FBXL7: variants seen among roughly 807,000 people sequenced by gnomAD.
FBXL7 encodes F-box/LRR-repeat protein 7.
Under a neutral mutation model 38.3 loss-of-function variants are expected in FBXL7, and 12 were observed. The ratio of observed to expected loss-of-function variants is 0.31; its 90% confidence interval spans 0.20 to 0.51. The LOEUF (loss-of-function observed/expected upper bound fraction) is 0.51. Among genes scored for constraint, FBXL7 ranks in the 20% least tolerant of loss-of-function variants. The pLI, the probability that FBXL7 is intolerant of heterozygous loss-of-function variation, is 0.98. For missense variants in FBXL7, 567 were observed against 676.4 expected (o/e 0.84, Z 1.79); for synonymous variants, 297 against 300.9 (o/e 0.99, Z 0.13).
chr5:15,753,323 C>T (rs377447355), intron 2 of FBXL7, among the ~76,000 whole-genome samples: 152 of 152,212 alleles, frequency 1.0e-3, no homozygotes, highest in African/African-American at 3.4e-3. Context: ...GGCTCAAGGA[C>T]GATCAAGGGG....
At chr5:15,742,140 T>A (rs1735908430) in intron 2 of FBXL7, among the ~76,000 whole-genome samples, 1 of 152,210 alleles carries the variant, frequency 6.6e-6, no homozygotes, top group African/African-American at 2.4e-5. Flanking sequence ...AAGGGGAGAT[T>A]TATATATAAA....
intron 2 of FBXL7, among the ~76,000 whole-genome samples, chr5:15,625,191 A>G (rs377281630): frequency 6.6e-6 from 1 of 152,224 alleles, no homozygotes; most frequent in Non-Finnish European, 1.5e-5. Flanking sequence ...AGCTGCCTTT[A>G]TACTTGAATT....
chr5:15,650,121 A>G (rs1261223994), intron 2 of FBXL7, among the ~76,000 whole-genome samples: 8 of 152,150 alleles, frequency 5.3e-5, no homozygotes, highest in Non-Finnish European at 1.2e-4. Flanking sequence ...ATTTTAACTG[A>G]GCCACAGACC....
In FBXL7 at chr5:15,938,274, A is replaced by G. The variant is rs1742256014; in HGVS notation, c.*1088A>G. On this transcript the variant is annotated 3_prime_UTR_variant, in exon 4 of 4. Transcript: ENST00000504595. ...TTGCTTTTACTCAGTGTTTTCAAAT[A>G]GGAGTAAAGGCCCTTGCAATTTTTA... 6.6e-6 allele frequency: 1 copy of G among 152,172 alleles called. No homozygotes were observed. Among genetic ancestry groups the G allele is most frequent in the South Asian group, 2.1e-4 (1 of 4,818 alleles). The allele number at this position is 152,172 out of a possible 1,614,324, so 9.4% of individuals were successfully genotyped here.
chr5:15,674,759 A>G (rs1742596974), intron 2 of FBXL7, among the ~76,000 whole-genome samples: 1 of 152,222 alleles, frequency 6.6e-6, no homozygotes, highest in Non-Finnish European at 1.5e-5. Context: ...TAATTATCTC[A>G]GGCAATTCTG....
intron 1 of FBXL7, among the ~76,000 whole-genome samples, chr5:15,575,296 T>C (rs1738921321): frequency 6.6e-6 from 1 of 152,236 alleles, no homozygotes; most frequent in African/African-American, 2.4e-5. Context: ...ACTTGTCTCT[T>C]TTTGTGGACT....
rs142812459 is a variant in FBXL7, at chr5:15,786,967, C to A, written c.128-140923C>A. 5.7e-3 allele frequency among the ~76,000 whole-genome samples: 863 copies of A among 152,156 alleles called. 8 individuals carry two copies. Among genetic ancestry groups the A allele is most frequent in the African/African-American group, 0.02 (815 of 41,504 alleles). ...TCCAGTGATGTGTGTCCTTATGAGA[C>A]CCACACAGAGGAGAAACACATGGAA... On this transcript the variant is annotated intron_variant, in intron 2 of 3. Transcript: ENST00000504595.
chr5:15,933,520 A>G (rs1184038438), intron 3 of FBXL7, among the ~76,000 whole-genome samples: 2 of 152,262 alleles, frequency 1.3e-5, no homozygotes, highest in African/African-American at 4.8e-5. Context: ...GTCAGCCTCA[A>G]GAAAGAAACT....
intron 1 of FBXL7, among the ~76,000 whole-genome samples, chr5:15,597,169 C>A (rs1295380979): frequency 6.6e-6 from 1 of 152,076 alleles, no homozygotes; most frequent in Non-Finnish European, 1.5e-5. Flanking sequence ...TTCTAGGATA[C>A]CCAGCTGGAG....
intron 1 of FBXL7, among the ~76,000 whole-genome samples, chr5:15,510,666 C>T (rs1248211938): frequency 6.6e-6 from 1 of 152,174 alleles, no homozygotes; most frequent in Non-Finnish European, 1.5e-5. Flanking sequence ...AATCAATGTT[C>T]TACTTAACTC....
intron 2 of FBXL7, among the ~76,000 whole-genome samples, chr5:15,661,956 C>T (rs1325586400): frequency 6.6e-6 from 1 of 152,168 alleles, no homozygotes; most frequent in East Asian, 1.9e-4. Context: ...AGGTTGATTC[C>T]ATTTCATTGC....
chr5:15,768,691 A>C (rs550834751), intron 2 of FBXL7, among the ~76,000 whole-genome samples: 3 of 152,242 alleles, frequency 2.0e-5, no homozygotes, highest in East Asian at 3.9e-4. Context: ...ATGATAGTAC[A>C]CACAGAGCGT....
At chr5:15,816,836 T>C (rs1738028231) in intron 2 of FBXL7, among the ~76,000 whole-genome samples, 1 of 152,220 alleles carries the variant, frequency 6.6e-6, no homozygotes, top group Non-Finnish European at 1.5e-5. Context: ...ATACACATTT[T>C]CGGAGTAAAT....
intron 2 of FBXL7, among the ~76,000 whole-genome samples, chr5:15,644,036 G>A (rs531653946): frequency 4.3e-4 from 66 of 152,280 alleles, no homozygotes; most frequent in Non-Finnish European, 8.5e-4. Context: ...ATAATAGCTA[G>A]CCTGGAATTT....
At chr5:15,631,333 T>A (rs1740990268) in intron 2 of FBXL7, among the ~76,000 whole-genome samples, 1 of 152,116 alleles carries the variant, frequency 6.6e-6, no homozygotes, top group African/African-American at 2.4e-5. Flanking sequence ...TCCAGGATAG[T>A]TTTGAAATGA....
At chr5:15,746,531 C>T (rs991128664) in intron 2 of FBXL7, among the ~76,000 whole-genome samples, 23 of 151,862 alleles carry the variant, frequency 1.5e-4, no homozygotes, top group African/African-American at 5.6e-4. Context: ...TCATTGTGTC[C>T]TCACATGGCA....
At chr5:15,616,810 G>A (rs1213839461) in intron 2 of FBXL7, among the ~76,000 whole-genome samples, 2 of 152,196 alleles carry the variant, frequency 1.3e-5, no homozygotes, top group Non-Finnish European at 2.9e-5. Context: ...ATGACTTTCT[G>A]TCTGAAAATG....
chr5:15,532,215 A>T (rs1156319029), intron 1 of FBXL7, among the ~76,000 whole-genome samples: 4 of 152,222 alleles, frequency 2.6e-5, no homozygotes. Context: ...TCTCATACAC[A>T]CTAGAAATGG....
At chr5:15,751,898 G>T (rs1254409192) in intron 2 of FBXL7, among the ~76,000 whole-genome samples, 1 of 152,170 alleles carries the variant, frequency 6.6e-6, no homozygotes, top group Non-Finnish European at 1.5e-5. Context: ...AACAGATTAA[G>T]AATGGAGAAT....
Sources: allele counts gnomAD v4.1 joint callset (sites outside exome capture counted in the v4.1 genomes callset), GRCh38; gene constraint gnomAD v4.1.1; transcripts MANE v1.5; gene names NCBI Gene and HGNC (gene_info 2026-07-23, HGNC 2026-07-21).